The following ANXA5 variants were observed in gnomAD, a reference collection of about 807,000 sequenced individuals.
ANXA5 encodes the protein CBP-I.
In ANXA5, 40 loss-of-function variants were observed where a neutral mutation model predicts 48.1. That is an observed-to-expected ratio of 0.83 (90% CI 0.65 to 1.08). The LOEUF is 1.08. ANXA5 is among the 50% of genes least tolerant of loss of function. ANXA5 has a pLI of 0.00. For missense variants in ANXA5, 357 were observed against 376.8 expected (o/e 0.95, Z 0.44); for synonymous variants, 113 against 129.1 (o/e 0.88, Z 0.85).
chr4:121,678,411 A>G lies in ANXA5; in HGVS notation c.474+4T>C, dbSNP rs764592261. The G allele has an allele frequency of 6.2e-7, 1 of 1,612,214 alleles. No individual in the cohort carries two copies. Among genetic ancestry groups the G allele is most frequent in the Non-Finnish European group, 8.5e-7 (1 of 1,178,930 alleles). On this transcript the variant is annotated splice_donor_region_variant and intron_variant, in intron 7 of 12. Coordinates refer to ENST00000296511, the MANE Select transcript of ANXA5 (RefSeq NM_001154.4). ...TCAAACTGTAATTAATCTCCACGCA[A>G]TACCTGAAGGAGAACCACCAACATC...
At chr4:121,685,271 T>A (rs1264771419) in intron 3 of ANXA5, among the ~76,000 whole-genome samples, 1 of 151,974 alleles carries the variant, frequency 6.6e-6, no homozygotes, top group African/African-American at 2.4e-5. Flanking sequence ...AACACACAAA[T>A]AAGTATGAGC....
chr4:121,691,272 CT>C (rs1158747789), intron 2 of ANXA5, among the ~76,000 whole-genome samples: 9 of 151,206 alleles, frequency 6.0e-5, no homozygotes, highest in East Asian at 3.9e-4. Flanking sequence ...ATTTTGTTGG[CT>C]TTTTTTTTCT....
At chr4:121,679,275 T>C (rs1303580930) in intron 6 of ANXA5, among the ~76,000 whole-genome samples, 2 of 152,250 alleles carry the variant, frequency 1.3e-5, no homozygotes, top group Non-Finnish European at 1.5e-5. Context: ...TTCTTTCTTC[T>C]ACACCAACAC....
chr4:121,688,076 G>C (rs1009379655), intron 2 of ANXA5, among the ~76,000 whole-genome samples: 2 of 152,148 alleles, frequency 1.3e-5, no homozygotes, highest in Admixed American at 1.3e-4. Flanking sequence ...CCCCCAAAAT[G>C]AGATCAGCAT....
At chr4:121,682,906 T>C (rs997509545) in intron 5 of ANXA5, among the ~76,000 whole-genome samples, 1 of 152,128 alleles carries the variant, frequency 6.6e-6, no homozygotes, top group Non-Finnish European at 1.5e-5. Context: ...TTCATTTTAG[T>C]GTTTAGAGGG....
chr4:121,670,513 T>A (rs770431557), intron 10 of ANXA5, among the ~76,000 whole-genome samples: 1 of 152,186 alleles, frequency 6.6e-6, no homozygotes, highest in African/African-American at 2.4e-5. Flanking sequence ...GATTTATCCA[T>A]TTCAGTACAA....
intron 2 of ANXA5, among the ~76,000 whole-genome samples, chr4:121,689,449 A>T (rs183943288): frequency 1.3e-3 from 197 of 152,350 alleles, no homozygotes; most frequent in African/African-American, 4.5e-3. Context: ...ATGTACACAC[A>T]GAGGCTGGAT....
At chr4:121,685,870 A>C (rs1260222645) in intron 3 of ANXA5, among the ~76,000 whole-genome samples, 1 of 152,184 alleles carries the variant, frequency 6.6e-6, no homozygotes, top group East Asian at 1.9e-4. Flanking sequence ...CAGAGGCTGA[A>C]TTTAACTGCC....
chr4:121,683,246 C>G, intron 5 of ANXA5, 118 bp downstream of exon 5: 1 of 532,304 alleles, frequency 1.9e-6, no homozygotes, highest in African/African-American at 2.0e-5. Context: ...GTCTGCCAAG[C>G]AACTCTCACT....
In ANXA5 at chr4:121,671,486, A is replaced by C. The variant is rs1724611368; in HGVS notation, c.721+61T>G. 4 of 1,238,538 alleles carry C rather than the reference A, an allele frequency of 3.2e-6. No homozygotes were observed. The East Asian group carries it at 9.4e-5, about 29-fold the overall frequency. The allele number at this position is 1,238,538 out of a possible 1,614,324, so 76.7% of individuals were successfully genotyped here. A position where few individuals can be genotyped will look rare whatever the true frequency, so the allele number is the denominator to read the frequency against. ...GGTGGTTATTTTCAGATGCAGCCTC[A>C]ATTGAATAAAATGCTTTAGCTCTTA... On this transcript the variant is annotated intron_variant, in intron 10 of 12. Coordinates refer to ENST00000296511, the MANE Select transcript of ANXA5 (RefSeq NM_001154.4).
In ANXA5 at chr4:121,669,488, G is replaced by A. The variant is rs144524738; in HGVS notation, c.903+114C>T. The stretch of plus-strand genomic sequence containing the variant: ...CTTTTTAACTCATTGCTCTAATCGT[G>A]TCACTAAAATTTTAAACTTAACACA... On this transcript the variant is annotated intron_variant, in intron 12 of 12. Transcript: ENST00000296511. The A allele has an allele frequency of 1.8e-5, 23 of 1,293,506 alleles. No individual in the cohort carries two copies. The African/African-American group carries it at 2.7e-4, about 15-fold the overall frequency. 80.1% of individuals were successfully genotyped at this position (1,293,506 alleles called of 1,614,324 possible).
At chr4:121,688,485 T>C (rs1421619300) in intron 2 of ANXA5, among the ~76,000 whole-genome samples, 1 of 152,110 alleles carries the variant, frequency 6.6e-6, no homozygotes, top group Non-Finnish European at 1.5e-5. Context: ...GTATTCAGAG[T>C]TGAACCTAAT....
chr4:121,675,877 C>T (rs1394769399), intron 8 of ANXA5, among the ~76,000 whole-genome samples: 1 of 152,192 alleles, frequency 6.6e-6, no homozygotes, highest in Non-Finnish European at 1.5e-5. Context: ...GTAAGTGCTC[C>T]AAGGACAGAA....
At chr4:121,695,772 C>T (rs928647602) in intron 2 of ANXA5, among the ~76,000 whole-genome samples, 1 of 151,890 alleles carries the variant, frequency 6.6e-6, no homozygotes, top group African/African-American at 2.4e-5. Context: ...CATGGTGGGG[C>T]GCCTGTAATC....
At chr4:121,680,235 T>G (rs1005054681) in intron 6 of ANXA5, among the ~76,000 whole-genome samples, 14 of 152,130 alleles carry the variant, frequency 9.2e-5, no homozygotes, top group Non-Finnish European at 1.8e-4. Context: ...TTCCCCTCTT[T>G]AAGACTGAAC....
chr4:121,672,068 T>A (rs1206998225), intron 9 of ANXA5, among the ~76,000 whole-genome samples: 2 of 152,038 alleles, frequency 1.3e-5, no homozygotes, highest in Non-Finnish European at 2.9e-5. Flanking sequence ...ACCAGAAAGA[T>A]CTCAGGTCCT....
In ANXA5 at chr4:121,681,479, T is replaced by C; in HGVS notation, c.394+192A>G. ...AGCTTCTTATAAAATATGAAAATAG[T>C]AGAGGATAACAAGGCAGTCTTTTCC... On this transcript the variant is annotated intron_variant, in intron 6 of 12. Transcript: ENST00000296511. The C allele has an allele frequency of 6.3e-6, 3 of 475,000 alleles. No individual in the cohort carries two copies. In the Admixed American group the frequency reaches 1.1e-4, roughly 18 times the overall value. The allele number at this position is 475,000 out of a possible 1,614,324, so 29.4% of individuals were successfully genotyped here.
In ANXA5 at chr4:121,686,376, ATTCACGAAACACAG is replaced by A. The variant is rs1368203290; in HGVS notation, c.10-18_10-5del. 6.2e-7 allele frequency: 1 copy of A among 1,611,656 alleles called. No homozygotes were observed. The highest frequency in any genetic ancestry group is 1.7e-5 in the Admixed American group (1 of 60,006). On this transcript the variant is annotated splice_region_variant and splice_polypyrimidine_tract_variant and intron_variant, in intron 2 of 12. Coordinates refer to ENST00000296511, the MANE Select transcript of ANXA5 (RefSeq NM_001154.4). ...CAGTCACAGTGCCTCTGAGAACCTA[ATTCACGAAACACAG>A]TGGTATTATTCATATCATGACTAAT...
At position 121,681,686 on chromosome 4, in the gene ANXA5, G is replaced by C; in HGVS notation, c.379C>G (p.Gln127Glu). Residue 127 changes from glutamine to glutamate, a missense_variant, in exon 6 of 13, where the codon CAA (glutamine) becomes GAA (glutamate). Physicochemically the swap from Gln to Glu is conservative, Grantham distance 29 (BLOSUM62 2). Coordinates refer to ENST00000296511, the MANE Select transcript of ANXA5 (RefSeq NM_001154.4). ...AAACATTTACCTTCTTCATAAACTT[G>C]TTTGATGGCTCTCAGTTCTTCAGGT... ...RTPEELRAIK[Q>E]VYEEEYGSSL... 1 of 1,611,088 alleles carries C rather than the reference G, an allele frequency of 6.2e-7. No individual in the cohort carries two copies. The highest frequency in any genetic ancestry group is 1.7e-4 in the Middle Eastern group (1 of 6,056).
Sources: gnomAD v4.1 joint callset for allele counts (sites outside exome capture counted in the v4.1 genomes callset) on GRCh38, gnomAD v4.1.1 for gene constraint, MANE v1.5 for transcripts, NCBI Gene and HGNC (gene_info 2026-07-23, HGNC 2026-07-21) for gene names.